The following SNTG1 variants were observed in gnomAD, a reference collection of about 807,000 sequenced individuals.
SNTG1 encodes the protein gamma-1-syntrophin.
In SNTG1, 39 loss-of-function variants were observed where a neutral mutation model predicts 74.7. The observed-to-expected ratio is 0.52, with a 90% CI of 0.40 to 0.68. SNTG1 has a LOEUF of 0.68. Among genes scored for constraint, SNTG1 ranks in the 30% least tolerant of loss-of-function variants. The pLI is 0.00. For missense variants in SNTG1, 685 were observed against 609.5 expected (o/e 1.12, Z -1.30); for synonymous variants, 254 against 217.1 (o/e 1.17, Z -1.49).
At chr8:50,018,714 A>G (rs1323233629) in intron 1 of SNTG1, among the ~76,000 whole-genome samples, 1 of 152,106 alleles carries the variant, frequency 6.6e-6, no homozygotes, top group African/African-American at 2.4e-5. Flanking sequence ...CATAGAACAT[A>G]AGAATATGTT....
At chr8:50,430,728 T>A (rs1393982479) in intron 4 of SNTG1, among the ~76,000 whole-genome samples, 1 of 152,114 alleles carries the variant, frequency 6.6e-6, no homozygotes, top group East Asian at 1.9e-4. Context: ...TTGTATACCA[T>A]AAGGAAGGGT....
At chr8:50,294,150 C>A (rs182458355) in intron 2 of SNTG1, among the ~76,000 whole-genome samples, 1 of 151,420 alleles carries the variant, frequency 6.6e-6, no homozygotes, top group Non-Finnish European at 1.5e-5. Flanking sequence ...AATAAATACA[C>A]AGAATAAAAA....
chr8:50,284,765 A>C (rs1586955988), intron 2 of SNTG1, among the ~76,000 whole-genome samples: 3 of 152,284 alleles, frequency 2.0e-5, no homozygotes. Context: ...TGAACTGTAC[A>C]CTAAAAGATG....
intron 1 of SNTG1, among the ~76,000 whole-genome samples, chr8:50,067,181 T>A (rs961458634): frequency 7.9e-5 from 12 of 152,250 alleles, no homozygotes; most frequent in African/African-American, 2.9e-4. Context: ...CATTTGTTTG[T>A]TACTTTTCTG....
chr8:50,427,870 C>G (rs150495743), intron 4 of SNTG1, among the ~76,000 whole-genome samples: 4 of 152,212 alleles, frequency 2.6e-5, no homozygotes, highest in African/African-American at 9.6e-5. Flanking sequence ...GAATCTTTGT[C>G]TCACACAGCC....
chr8:50,565,789 T>C (rs1488896259), intron 12 of SNTG1, among the ~76,000 whole-genome samples: 2 of 152,082 alleles, frequency 1.3e-5, no homozygotes, highest in South Asian at 2.1e-4. Flanking sequence ...ATAAGTGCTA[T>C]GAGAGGTTGA....
intron 8 of SNTG1, among the ~76,000 whole-genome samples, chr8:50,478,905 C>G (rs2093717539): frequency 6.6e-6 from 1 of 151,970 alleles, no homozygotes; most frequent in Admixed American, 6.6e-5. Context: ...TATGAAATTC[C>G]TCTTATTTTA....
chr8:50,637,779 T>G (rs1474855193), intron 13 of SNTG1, among the ~76,000 whole-genome samples: 1 of 152,144 alleles, frequency 6.6e-6, no homozygotes, highest in Non-Finnish European at 1.5e-5. Flanking sequence ...TAAAATAATG[T>G]ATCTAAAATA....
At chr8:50,788,469 G>T (rs1486454581) in intron 18 of SNTG1, among the ~76,000 whole-genome samples, 3 of 151,904 alleles carry the variant, frequency 2.0e-5, no homozygotes, top group Non-Finnish European at 4.4e-5. Context: ...TCTCAATTTT[G>T]TTCAGAGGAC....
intron 1 of SNTG1, among the ~76,000 whole-genome samples, chr8:50,154,762 C>T (rs1394832351): frequency 1.3e-5 from 2 of 152,162 alleles, no homozygotes; most frequent in Non-Finnish European, 2.9e-5. Flanking sequence ...GAAAACAAAA[C>T]ACCTGAACAA....
chr8:50,280,738 G>A (rs1167434568), intron 2 of SNTG1, among the ~76,000 whole-genome samples: 1 of 152,104 alleles, frequency 6.6e-6, no homozygotes, highest in East Asian at 1.9e-4. Flanking sequence ...AATATAAGGG[G>A]TTGTGGAGAT....
At chr8:50,035,792 A>C (rs1487759882) in intron 1 of SNTG1, among the ~76,000 whole-genome samples, 1 of 152,146 alleles carries the variant, frequency 6.6e-6, no homozygotes, top group Non-Finnish European at 1.5e-5. Context: ...AGCATCTGGG[A>C]CTGGACCGGA....
intron 1 of SNTG1, among the ~76,000 whole-genome samples, chr8:50,026,320 T>A (rs1817259803): frequency 6.6e-6 from 1 of 152,196 alleles, no homozygotes; most frequent in Non-Finnish European, 1.5e-5. Flanking sequence ...CTGAAAAATC[T>A]TTGCTTTTTG....
intron 1 of SNTG1, among the ~76,000 whole-genome samples, chr8:49,964,550 T>C (rs1284942180): frequency 6.6e-6 from 1 of 152,236 alleles, no homozygotes; most frequent in Non-Finnish European, 1.5e-5. Context: ...CACAGGCATA[T>C]ACTCTATCTG....
At chr8:50,733,319 T>C (rs1017910898) in intron 17 of SNTG1, among the ~76,000 whole-genome samples, 6 of 152,052 alleles carry the variant, frequency 3.9e-5, no homozygotes, top group Admixed American at 6.6e-5. Context: ...CATTTTTTTT[T>C]CCAATCTACC....
chr8:50,357,788 C>T (rs1225222548), intron 2 of SNTG1, among the ~76,000 whole-genome samples: 2 of 152,080 alleles, frequency 1.3e-5, no homozygotes, highest in African/African-American at 4.8e-5. Flanking sequence ...TCTTGTGTTA[C>T]TTTACAAATG....
intron 8 of SNTG1, among the ~76,000 whole-genome samples, chr8:50,495,273 AT>A (rs2093893869): frequency 6.6e-6 from 1 of 152,112 alleles, no homozygotes; most frequent in Admixed American, 6.6e-5. Context: ...GCAGAAAAAA[AT>A]AATAAAGTGA....
chr8:50,095,452 T>C (rs1420485790), intron 1 of SNTG1, among the ~76,000 whole-genome samples: 1 of 152,210 alleles, frequency 6.6e-6, no homozygotes, highest in Non-Finnish European at 1.5e-5. Flanking sequence ...TTCTGGACAG[T>C]ACTGAGGTCA....
At chr8:50,532,649 T>C (rs1169368970) in intron 10 of SNTG1, among the ~76,000 whole-genome samples, 1 of 152,182 alleles carries the variant, frequency 6.6e-6, no homozygotes, top group African/African-American at 2.4e-5. Context: ...CTTCTGTATC[T>C]TGAATAAGCT....
Sources: gnomAD v4.1 joint callset for allele counts (sites outside exome capture counted in the v4.1 genomes callset) on GRCh38, gnomAD v4.1.1 for gene constraint, MANE v1.5 for transcripts, NCBI Gene and HGNC (gene_info 2026-07-23, HGNC 2026-07-21) for gene names.